Variants in DLG2 observed in about 807,000 individuals in gnomAD.
DLG2 encodes discs large MAGUK scaffold protein 2, also known as disks large homolog 2.
DLG2 carries 45 observed loss-of-function variants against 132.5 expected under a neutral mutation model. The ratio of observed to expected loss-of-function variants is 0.34; its 90% CI spans 0.27 to 0.44. The LOEUF (loss-of-function observed/expected upper bound fraction) is 0.44. Among genes scored for constraint, DLG2 ranks in the 20% least tolerant of loss-of-function variants. The pLI, the probability that DLG2 is intolerant of heterozygous loss-of-function variation, is 1.00. For synonymous variants in DLG2, 424 were observed against 419.6 expected, an observed-to-expected ratio of 1.01 and a Z score of -0.13; for missense variants, 1,045 against 1,196.9, an observed-to-expected ratio of 0.87 and a Z score of 1.87.
intron 7 of DLG2, among the ~76,000 whole-genome samples, chr11:84,507,274 G>A (rs1017624613): frequency 2.6e-5 from 4 of 152,154 alleles, no homozygotes; most frequent in Non-Finnish European, 5.9e-5. Flanking sequence ...TAAATTAGCA[G>A]TCACAGTTCA....
At chr11:85,497,117 A>C (rs554043092) in intron 3 of DLG2, among the ~76,000 whole-genome samples, 41 of 152,166 alleles carry the variant, frequency 2.7e-4, no homozygotes, top group African/African-American at 9.4e-4. Context: ...AAAGTCACTA[A>C]TAACAAACTT....
chr11:83,752,934 C>T (rs2093394992), intron 18 of DLG2, among the ~76,000 whole-genome samples: 1 of 152,112 alleles, frequency 6.6e-6, no homozygotes, highest in Admixed American at 6.5e-5. Flanking sequence ...AAAGGAAGCT[C>T]AGCAGCTGAC....
At chr11:84,008,206 A>G (rs934427380) in intron 11 of DLG2, among the ~76,000 whole-genome samples, 1 of 151,858 alleles carries the variant, frequency 6.6e-6, no homozygotes, top group Non-Finnish European at 1.5e-5. Flanking sequence ...AATGAGACAA[A>G]TTACAGATCT....
In DLG2 at chr11:84,143,335, C is replaced by A. The variant is rs563833866; in HGVS notation, c.624+20126G>T. Among the ~76,000 whole-genome samples the A allele has an allele frequency of 4.1e-4, 63 of 152,156 alleles. No homozygotes were observed. In the South Asian group the frequency reaches 0.013, roughly 31 times the overall value. ...TTTTGAATGATAAGAAGAAGTTGAT[C>A]AGTTAAAAATGGTAATAGAGTGAAG... is the stretch of plus-strand genomic sequence containing the variant. On this transcript the variant is annotated intron_variant, in intron 9 of 27. Transcript: ENST00000376104.
intron 18 of DLG2, among the ~76,000 whole-genome samples, chr11:83,761,431 G>A (rs1427846233): frequency 6.6e-6 from 1 of 152,182 alleles, no homozygotes; most frequent in Non-Finnish European, 1.5e-5. Flanking sequence ...ATCCCAAGTT[G>A]ATGCCTTAAT....
chr11:85,097,285 T>A (rs2152252391), intron 6 of DLG2, among the ~76,000 whole-genome samples: 1 of 152,252 alleles, frequency 6.6e-6, no homozygotes, highest in East Asian at 1.9e-4. Flanking sequence ...CAGAAAGACA[T>A]AATTTTTGCC....
chr11:84,738,412 A>G (rs564094593), intron 6 of DLG2, among the ~76,000 whole-genome samples: 1 of 152,242 alleles, frequency 6.6e-6, no homozygotes, highest in South Asian at 2.1e-4. Flanking sequence ...GCAAAGAAAA[A>G]AGAAATCTAA....
At chr11:84,885,156 A>G (rs904557078) in intron 6 of DLG2, among the ~76,000 whole-genome samples, 1 of 152,136 alleles carries the variant, frequency 6.6e-6, no homozygotes, top group Admixed American at 6.6e-5. Flanking sequence ...ATATCCATTA[A>G]CCTCACAGAG....
At chr11:85,053,031 C>G (rs2063054403) in intron 6 of DLG2, among the ~76,000 whole-genome samples, 1 of 152,092 alleles carries the variant, frequency 6.6e-6, no homozygotes, top group African/African-American at 2.4e-5. Flanking sequence ...GTCATATCTG[C>G]TCTAGTTTGG....
intron 18 of DLG2, among the ~76,000 whole-genome samples, chr11:83,639,539 T>C (rs1434567605): frequency 1.4e-5 from 2 of 143,676 alleles, no homozygotes; most frequent in Admixed American, 7.5e-5. Flanking sequence ...TTCTCACTCA[T>C]AGGTGGGAAT....
chr11:83,504,913 C>T (rs2094613745), intron 21 of DLG2, among the ~76,000 whole-genome samples: 1 of 152,168 alleles, frequency 6.6e-6, no homozygotes, highest in Admixed American at 6.5e-5. Context: ...TTTCACCATT[C>T]TATCAATCCA....
At chr11:83,528,373 A>G (rs1364158282) in intron 21 of DLG2, among the ~76,000 whole-genome samples, 1 of 152,026 alleles carries the variant, frequency 6.6e-6, no homozygotes, top group African/African-American at 2.4e-5. Flanking sequence ...GGCCTTTCTG[A>G]CCTTCTTTGT....
chr11:84,529,351 A>G (rs1005941501), intron 7 of DLG2, among the ~76,000 whole-genome samples: 1 of 152,132 alleles, frequency 6.6e-6, no homozygotes, highest in Non-Finnish European at 1.5e-5. Flanking sequence ...AAGGGATCAA[A>G]CTATTCCTGC....
intron 6 of DLG2, among the ~76,000 whole-genome samples, chr11:84,886,399 A>G (rs1398196041): frequency 1.3e-5 from 2 of 152,098 alleles, no homozygotes; most frequent in African/African-American, 4.8e-5. Flanking sequence ...TGGCTAATGA[A>G]TGAGAAGAAA....
intron 19 of DLG2, among the ~76,000 whole-genome samples, chr11:83,565,197 T>C (rs2096684177): frequency 6.6e-6 from 1 of 152,188 alleles, no homozygotes; most frequent in East Asian, 1.9e-4. Context: ...GATTATAATA[T>C]GACCATTGTG....
At chr11:84,872,398 G>A (rs189975028) in intron 6 of DLG2, among the ~76,000 whole-genome samples, 5 of 152,150 alleles carry the variant, frequency 3.3e-5, no homozygotes, top group Admixed American at 3.3e-4. Flanking sequence ...AGTGTAATAG[G>A]CAGCATCAGT....
At chr11:84,400,675 C>A (rs1201304131) in intron 7 of DLG2, among the ~76,000 whole-genome samples, 3 of 152,108 alleles carry the variant, frequency 2.0e-5, no homozygotes, top group Non-Finnish European at 4.4e-5. Context: ...TCAAATGATA[C>A]CTCACCCTTT....
intron 8 of DLG2, among the ~76,000 whole-genome samples, chr11:84,212,222 A>G (rs555826765): frequency 6.6e-6 from 1 of 152,340 alleles, no homozygotes; most frequent in African/African-American, 2.4e-5. Context: ...ATGAAAATTG[A>G]TTAAACATAA....
chr11:83,763,772 C>A (rs1005203882), intron 18 of DLG2, among the ~76,000 whole-genome samples: 1 of 152,160 alleles, frequency 6.6e-6, no homozygotes. Flanking sequence ...AAGTTAATTA[C>A]CCCAGGACCC....
Sources: gnomAD v4.1 joint callset for allele counts (sites outside exome capture counted in the v4.1 genomes callset) on GRCh38, gnomAD v4.1.1 for gene constraint, MANE v1.5 for transcripts, NCBI Gene and HGNC (gene_info 2026-07-23, HGNC 2026-07-21) for gene names.